The following NEBL variants were observed in gnomAD, a reference collection of about 807,000 sequenced individuals.
The protein encoded by NEBL is nebulette, also known as LIM and SH3 protein 2.
Under a neutral mutation model 140.2 loss-of-function variants are expected in NEBL, and 122 were observed. The observed-to-expected ratio is 0.87, with a 90% CI of 0.75 to 1.01. The LOEUF is 1.01. Among genes scored for constraint, NEBL ranks in the 50% least tolerant of loss-of-function variants. NEBL has a pLI of 0.00. For synonymous variants in NEBL, 436 were observed against 398.9 expected (o/e 1.09, Z -1.11); for missense variants, 1,365 against 1,231.3 (o/e 1.11, Z -1.62).
chr10:20,852,781 T>G, intron 9 of NEBL, 132 bp from the exon 10 acceptor site: 1 of 797,820 alleles, frequency 1.3e-6, no homozygotes, highest in Non-Finnish European at 2.1e-6. Flanking sequence ...CATCTGCAGT[T>G]GGCTGGCAGG....
intron 26 of NEBL, among the ~76,000 whole-genome samples, chr10:20,799,261 T>A (rs4748726): frequency 0.085 from 13,008 of 152,234 alleles, 632 homozygotes; most frequent in African/African-American, 0.12. Context: ...GTTCAAGTGA[T>A]TCTCCTGCCT....
intron 2 of NEBL, among the ~76,000 whole-genome samples, chr10:21,074,490 T>G (rs1289866369): frequency 1.3e-5 from 2 of 151,970 alleles, no homozygotes; most frequent in Non-Finnish European, 2.9e-5. Flanking sequence ...TTTCTTTTTT[T>G]TTTTTTTGAG....
chr10:21,096,877 C>A (rs1837213273), intron 2 of NEBL, among the ~76,000 whole-genome samples: 1 of 151,962 alleles, frequency 6.6e-6, no homozygotes. Flanking sequence ...ATTAACTTAT[C>A]TCTCCTTTTT....
chr10:20,967,337 T>C (rs1001364549), intron 3 of NEBL, among the ~76,000 whole-genome samples: 1 of 152,120 alleles, frequency 6.6e-6, no homozygotes, highest in South Asian at 2.1e-4. Context: ...GCAAGAAATG[T>C]AGACACAGGG....
intron 2 of NEBL, chr10:21,029,786 G>A: frequency 1.3e-6 from 1 of 754,824 alleles, no homozygotes; most frequent in Non-Finnish European, 2.4e-6. Flanking sequence ...TGATGACCGA[G>A]GCAGCAGAGA....
intron 2 of NEBL, among the ~76,000 whole-genome samples, chr10:21,088,608 C>T (rs1405862133): frequency 6.6e-6 from 1 of 152,146 alleles, no homozygotes; most frequent in African/African-American, 2.4e-5. Flanking sequence ...GGGATGGAAA[C>T]TAGAATATTT....
At chr10:21,049,520 G>A (rs1481956121) in intron 2 of NEBL, among the ~76,000 whole-genome samples, 2 of 152,166 alleles carry the variant, frequency 1.3e-5, no homozygotes, top group African/African-American at 4.8e-5. Context: ...TCATCTGTGC[G>A]ATTTTCATAG....
rs750143903 is a variant in NEBL, at chr10:20,859,669, A to G, written c.798+44T>C. 3 of 1,304,070 alleles carry G rather than the reference A, an allele frequency of 2.3e-6. No individual in the cohort carries two copies. In the South Asian group the frequency reaches 3.7e-5, roughly 16 times the overall value. 80.8% of individuals were successfully genotyped at this position (1,304,070 alleles called of 1,614,324 possible). ...CACAGTCGATTCTAAAAAAAACAAG[A>G]ATCAAAAGATTTTGAAAATAATTTT... On this transcript the variant is annotated intron_variant, in intron 8 of 27. Coordinates refer to ENST00000377122, the MANE Select transcript of NEBL (RefSeq NM_006393.3).
intron 3 of NEBL, among the ~76,000 whole-genome samples, chr10:20,971,261 G>A (rs1202558430): frequency 1.3e-5 from 2 of 152,074 alleles, no homozygotes; most frequent in Admixed American, 1.3e-4. Flanking sequence ...GAAAATTGAA[G>A]CCTAAAATAT....
rs1272255587 is a variant in NEBL at position 21,173,758 on chromosome 10, C to T, written c.69+7G>A. ...GGTCCAGGCTGGCCCGGCGCCCCCTCGCTCACCTTATCCAGGCAGTTGACT... is the reference window on the plus strand; with the variant it reads ...GGTCCAGGCTGGCCCGGCGCCCCCTTGCTCACCTTATCCAGGCAGTTGACT... On this transcript the variant is annotated splice_region_variant and intron_variant, in intron 1 of 6. Coordinates refer to the NEBL transcript ENST00000417816. This position sits in a 1 kb window ranked among gnomAD's most constrained non-coding sequence, Gnocchi z 5.7. 5.0e-6 allele frequency: 8 copies of T among 1,612,826 alleles called. No individual in the cohort carries two copies. In the South Asian group the frequency reaches 6.6e-5, roughly 13 times the overall value.
intron 2 of NEBL, among the ~76,000 whole-genome samples, chr10:21,101,944 T>A (rs1837498076): frequency 6.6e-6 from 1 of 152,238 alleles, no homozygotes; most frequent in Admixed American, 6.5e-5. Flanking sequence ...TACAAAGCAT[T>A]GTCCAAGACA....
chr10:21,193,016 G>T (rs1841597613), intron 3 of NEBL, among the ~76,000 whole-genome samples: 1 of 152,140 alleles, frequency 6.6e-6, no homozygotes, highest in African/African-American at 2.4e-5. Context: ...ACTCGATGTT[G>T]AATGTTCAGC....
chr10:21,009,461 T>C (rs1343979343), intron 3 of NEBL, among the ~76,000 whole-genome samples: 1 of 152,116 alleles, frequency 6.6e-6, no homozygotes, highest in African/African-American at 2.4e-5. Flanking sequence ...GCTCTACCAG[T>C]TGGGATCAAA....
chr10:21,126,208 C>A (rs1838827906), intron 2 of NEBL: 5 of 1,328,794 alleles, frequency 3.8e-6, no homozygotes, highest in South Asian at 1.3e-5. Context: ...GGAATAATAA[C>A]AACTACATTG....
At chr10:20,859,480 T>C (rs943461826) in intron 8 of NEBL, among the ~76,000 whole-genome samples, 4 of 152,064 alleles carry the variant, frequency 2.6e-5, no homozygotes, top group Non-Finnish European at 5.9e-5. Flanking sequence ...CTTGAACAGA[T>C]ATAATAACTT....
chr10:21,036,363 AG>A (rs1834016957), intron 2 of NEBL, among the ~76,000 whole-genome samples: 1 of 151,964 alleles, frequency 6.6e-6, no homozygotes, highest in African/African-American at 2.4e-5. Flanking sequence ...CTTAGGTGGG[AG>A]GGTCATTTGA....
At chr10:21,185,178 G>T (rs2132209863) in intron 3 of NEBL, among the ~76,000 whole-genome samples, 1 of 152,280 alleles carries the variant, frequency 6.6e-6, no homozygotes, top group African/African-American at 2.4e-5. Flanking sequence ...ATTTTAGGGT[G>T]TGGCTTCTGT....
chr10:21,065,621 T>C (rs1835498394), intron 2 of NEBL, among the ~76,000 whole-genome samples: 1 of 152,240 alleles, frequency 6.6e-6, no homozygotes, highest in South Asian at 2.1e-4. Flanking sequence ...GCAAAACCTG[T>C]CACATCCACC....
intron 4 of NEBL, among the ~76,000 whole-genome samples, chr10:20,942,564 G>T (rs542753031): frequency 9.2e-5 from 14 of 152,140 alleles, no homozygotes; most frequent in Non-Finnish European, 1.8e-4. Flanking sequence ...AAAAGCAATG[G>T]CAATAAAAGC....
Sources: gnomAD v4.1 joint callset for allele counts (sites outside exome capture counted in the v4.1 genomes callset) on GRCh38, gnomAD v4.1.1 for gene constraint, Gnocchi (gnomAD v3.1) non-coding constraint, MANE v1.5 for transcripts, NCBI Gene and HGNC (gene_info 2026-07-23, HGNC 2026-07-21) for gene names.